NCOA2: variants seen among roughly 807,000 people sequenced by gnomAD.
The protein encoded by NCOA2 is nuclear receptor coactivator 2.
Under a neutral mutation model 145.1 loss-of-function variants are expected in NCOA2, and 21 were observed. That is an observed-to-expected ratio of 0.14 (90% confidence interval 0.10 to 0.21). The LOEUF (loss-of-function observed/expected upper bound fraction) is 0.21. NCOA2 is among the 10% of genes least tolerant of loss of function. The pLI is 1.00. For missense variants in NCOA2, 1,472 were observed against 1,837.6 expected (o/e 0.80, Z 3.64); for synonymous variants, 619 against 637.5 (o/e 0.97, Z 0.44).
chr8:70,454,663 A>T, the NCOA2 span, among the ~76,000 whole-genome samples: 1 of 152,200 alleles, frequency 6.6e-6, no homozygotes, highest in African/African-American at 2.4e-5. Context: ...TTATCAAAAC[A>T]GCACCATCAC....
In NCOA2 at chr8:70,262,611, C is replaced by T. The variant is rs747931392; in HGVS notation, c.-20+34133G>A. Among the ~76,000 whole-genome samples the T allele has an allele frequency of 7.2e-5, 11 of 152,178 alleles. No homozygotes were observed. In the East Asian group the frequency reaches 2.1e-3, roughly 29 times the overall value. ...GGTCTCTCAACAAGTGGAATACCAA[C>T]TTTTAAACAGGTTGGACATTTAATA... On this transcript the variant is annotated intron_variant, in intron 2 of 22. Transcript: ENST00000452400.
At chr8:70,131,809 C>A (rs1215920764) in intron 16 of NCOA2, 28 bp downstream of exon 16, 2 of 1,565,994 alleles carry the variant, frequency 1.3e-6, no homozygotes, top group African/African-American at 2.7e-5. Context: ...GAGCGCTTGG[C>A]CCCCACCTGC....
At chr8:70,437,635 T>C in the NCOA2 span, among the ~76,000 whole-genome samples, 1 of 152,254 alleles carries the variant, frequency 6.6e-6, no homozygotes, top group African/African-American at 2.4e-5. Context: ...AATACATTCA[T>C]GGATAGATTT....
At chr8:70,296,296 A>G (rs1158791831) in intron 2 of NCOA2, among the ~76,000 whole-genome samples, 1 of 152,242 alleles carries the variant, frequency 6.6e-6, no homozygotes, top group Non-Finnish European at 1.5e-5. Context: ...GGCTCATTGC[A>G]TTTTATAACA....
chr8:70,226,910 G>T (rs1820703580), intron 2 of NCOA2, among the ~76,000 whole-genome samples: 1 of 152,072 alleles, frequency 6.6e-6, no homozygotes, highest in Non-Finnish European at 1.5e-5. Flanking sequence ...AGAAAAATCT[G>T]GTCTATCCTT....
intron 6 of NCOA2, among the ~76,000 whole-genome samples, chr8:70,167,099 CTA>C (rs1484571382): frequency 6.6e-6 from 1 of 152,160 alleles, no homozygotes; most frequent in African/African-American, 2.4e-5. Context: ...TACTAGAATA[CTA>C]TAGTTTTCTA....
rs1191318732 is a variant in NCOA2 at position 70,131,912 on chromosome 8, C to T, written c.3249G>A (p.Leu1083=). ...PSDEGALLDQ[L]YLALRNFDGL... The stretch of plus-strand genomic sequence containing the variant: ...CATCAAAATTCCGCAAGGCCAGATA[C>T]AGCTGGTCCAGGAGAGCTCCCTCAT... Residue 1083 remains leucine (L), a synonymous_variant, in exon 16 of 23, where the codon CTG becomes CTA. Transcript: ENST00000452400. 1 of 1,607,952 alleles carries T rather than the reference C, an allele frequency of 6.2e-7. No homozygotes were observed. Among genetic ancestry groups the T allele is most frequent in the East Asian group, 2.2e-5 (1 of 44,690 alleles).
intron 1 of NCOA2, among the ~76,000 whole-genome samples, chr8:70,325,164 G>A (rs545863707): frequency 2.0e-5 from 3 of 152,094 alleles, no homozygotes; most frequent in South Asian, 4.2e-4. Flanking sequence ...TTGTTTCACT[G>A]TTTACAGAAA....
chr8:70,365,674 T>G (rs1810626166), intron 1 of NCOA2, among the ~76,000 whole-genome samples: 1 of 152,244 alleles, frequency 6.6e-6, no homozygotes, highest in Non-Finnish European at 1.5e-5. Context: ...GTAAATGTTT[T>G]TAAAATGCCT....
chr8:70,278,610 G>A (rs188601085), intron 2 of NCOA2, among the ~76,000 whole-genome samples: 8 of 152,038 alleles, frequency 5.3e-5, no homozygotes, highest in African/African-American at 1.7e-4. Flanking sequence ...GGCTAAACCC[G>A]CCTCAGCCTC....
At chr8:70,434,504 A>T in the NCOA2 span, among the ~76,000 whole-genome samples, 5 of 152,194 alleles carry the variant, frequency 3.3e-5, no homozygotes, top group Admixed American at 1.3e-4. Flanking sequence ...GAGAGGCATT[A>T]TTAAATAGGA....
At chr8:70,254,475 A>G (rs114191955) in intron 2 of NCOA2, among the ~76,000 whole-genome samples, 1,830 of 152,362 alleles carry the variant, frequency 0.012, 50 homozygotes, top group African/African-American at 0.042. Flanking sequence ...TCAAGTGTCC[A>G]TTGACAGACG....
chr8:70,225,830 C>T (rs1008886311), intron 2 of NCOA2, among the ~76,000 whole-genome samples: 3 of 152,134 alleles, frequency 2.0e-5, no homozygotes, highest in Admixed American at 6.5e-5. Context: ...GGCTGGAAAT[C>T]CCTAGAACAC....
Position 70,201,492 on chromosome 8 carries a change from C to T in NCOA2, c.259+12411G>A, listed in dbSNP as rs145874313. 8.7e-4 allele frequency among the ~76,000 whole-genome samples: 133 copies of T among 152,226 alleles called. 1 individual carries two copies. The highest frequency in any genetic ancestry group is 3.0e-3 in the African/African-American group (125 of 41,516). On this transcript the variant is annotated intron_variant, in intron 4 of 22. Transcript: ENST00000452400. ...GTGAAGAACACTATTACTGTTGCCCCGGAGTTATTACCTTACAAATCTCAG... is the reference window on the plus strand; with the variant it reads ...GTGAAGAACACTATTACTGTTGCCCTGGAGTTATTACCTTACAAATCTCAG...
the NCOA2 span, among the ~76,000 whole-genome samples, chr8:70,448,682 A>C: frequency 2.3e-4 from 35 of 152,202 alleles, no homozygotes; most frequent in Non-Finnish European, 4.1e-4. Flanking sequence ...GTAGAAAAAA[A>C]TGTTAAAATG....
Position 70,166,547 on chromosome 8 carries a change from C to G in NCOA2, c.730+19G>C. On this transcript the variant is annotated intron_variant, in intron 7 of 22. Transcript: ENST00000452400. ...ATAAATACACAGACACACAGAACAC[C>G]CTAGGGATTCTGTCCCACCTTCTCC... 6.2e-7 allele frequency: 1 copy of G among 1,613,352 alleles called. No individual in the cohort carries two copies. Among genetic ancestry groups the G allele is most frequent in the Non-Finnish European group, 8.5e-7 (1 of 1,179,382 alleles).
At chr8:70,133,023 T>C (rs974662477) in intron 15 of NCOA2, among the ~76,000 whole-genome samples, 1 of 152,090 alleles carries the variant, frequency 6.6e-6, no homozygotes, top group East Asian at 1.9e-4. Flanking sequence ...ACATGGTACA[T>C]ACAACTCCTA....
chr8:70,308,426 T>G (rs1201729948), intron 1 of NCOA2, among the ~76,000 whole-genome samples: 1 of 152,134 alleles, frequency 6.6e-6, no homozygotes, highest in East Asian at 1.9e-4. Flanking sequence ...TTATCTACTA[T>G]GAAATGAGGT....
chr8:70,162,515 C>T (rs1449449124), intron 9 of NCOA2, among the ~76,000 whole-genome samples, 196 bp downstream of exon 9: 1 of 152,210 alleles, frequency 6.6e-6, no homozygotes, highest in Non-Finnish European at 1.5e-5. Flanking sequence ...ACTATCATCT[C>T]CTGTTCTACT....
Sources: allele counts gnomAD v4.1 joint callset (sites outside exome capture counted in the v4.1 genomes callset), GRCh38; gene constraint gnomAD v4.1.1; transcripts MANE v1.5; gene names NCBI Gene and HGNC (gene_info 2026-07-23, HGNC 2026-07-21).